LRRC4C: variants seen among roughly 807,000 people sequenced by gnomAD.
LRRC4C encodes leucine rich repeat containing 4C.
Under a neutral mutation model 33.6 loss-of-function variants are expected in LRRC4C, and 5 were observed. The observed-to-expected ratio is 0.15, with a 90% CI of 0.08 to 0.31. The LOEUF (loss-of-function observed/expected upper bound fraction) is 0.31, where lower values mean the gene tolerates loss of function less well. Ranked by LOEUF, LRRC4C falls within the 10% of genes least tolerant of loss-of-function variation. The probability of loss-of-function intolerance (pLI) is 1.00; values close to 1 mark genes in which losing one functional copy is unlikely to be tolerated. For missense variants in LRRC4C, 560 were observed against 796.7 expected, an observed-to-expected ratio of 0.70 and a Z score of 3.58; for synonymous variants, 329 against 302.0, an observed-to-expected ratio of 1.09 and a Z score of -0.93.
At chr11:40,335,866 C>G (rs1191750931) in intron 3 of LRRC4C, among the ~76,000 whole-genome samples, 1 of 152,166 alleles carries the variant, frequency 6.6e-6, no homozygotes, top group African/African-American at 2.4e-5. Flanking sequence ...ATTCGAGTCT[C>G]TACTCCAACT....
intron 3 of LRRC4C, among the ~76,000 whole-genome samples, chr11:40,540,129 TG>T (rs1956643382): frequency 6.6e-6 from 1 of 152,172 alleles, no homozygotes; most frequent in South Asian, 2.1e-4. Context: ...GAATGGAAAA[TG>T]CTTTTCAGCA....
At chr11:41,211,027 T>C (rs949954448) in intron 1 of LRRC4C, among the ~76,000 whole-genome samples, 4 of 152,146 alleles carry the variant, frequency 2.6e-5, no homozygotes, top group African/African-American at 9.7e-5. Flanking sequence ...GAGGCAGAGC[T>C]CTGGCAGCAA....
chr11:40,252,236 CCTAA>C (rs1866841461), intron 4 of LRRC4C, among the ~76,000 whole-genome samples: 1 of 151,842 alleles, frequency 6.6e-6, no homozygotes, highest in African/African-American at 2.4e-5. Context: ...CTCACACTCA[CCTAA>C]CTCACACACA....
In LRRC4C at chr11:41,231,016, C is replaced by T. The variant is rs929205973; in HGVS notation, c.-496+228415G>A. ...CAACCAACTGACACATGAAAAGATGCTCATCATTGCTGGCCATCAGAGAAA... is the reference window on the plus strand; with the variant it reads ...CAACCAACTGACACATGAAAAGATGTTCATCATTGCTGGCCATCAGAGAAA... On this transcript the variant is annotated intron_variant, in intron 1 of 6. Transcript: ENST00000528697. Among the ~76,000 whole-genome samples, 5 of 151,986 alleles carry T rather than the reference C, an allele frequency of 3.3e-5. No homozygotes were observed. In the East Asian group the frequency reaches 7.7e-4, roughly 23 times the overall value.
At chr11:40,964,521 T>TCCCCCC (rs1194031211) in intron 1 of LRRC4C, among the ~76,000 whole-genome samples, 1 of 84,784 alleles carries the variant, frequency 1.2e-5, no homozygotes, top group Non-Finnish European at 2.2e-5. Flanking sequence ...CCCTTCCCCC[T>TCCCCCC]CCCCCCACCC....
At chr11:40,827,438 T>G (rs373972222) in intron 2 of LRRC4C, among the ~76,000 whole-genome samples, 13 of 151,198 alleles carry the variant, frequency 8.6e-5, no homozygotes, top group East Asian at 3.9e-4. Flanking sequence ...AAAGAAAAAA[T>G]AAAAAAAGTT....
chr11:40,889,191 A>G (rs1014117541), intron 2 of LRRC4C, among the ~76,000 whole-genome samples: 8 of 152,088 alleles, frequency 5.3e-5, no homozygotes, highest in African/African-American at 1.9e-4. Context: ...TATGTTCAGG[A>G]ATATCCATAC....
rs1373766348 is a variant in LRRC4C, at chr11:41,305,332, G to A, written c.-496+154099C>T. 7.6e-5 allele frequency among the ~76,000 whole-genome samples: 4 copies of A among 52,386 alleles called. 2 individuals carry two copies. The highest frequency in any genetic ancestry group is 1.7e-4 in the African/African-American group (4 of 23,486). 34.4% of individuals were successfully genotyped at this position (52,386 alleles called of 152,430 possible). On this transcript the variant is annotated intron_variant, in intron 1 of 6. Coordinates refer to ENST00000528697, the MANE Select transcript of LRRC4C (RefSeq NM_001258419.2). ...CCGCCCCATCCGGGAGGTGAGGGGC[G>A]CCTCTGCCCGGCCGTCCCTACTGGG...
At chr11:40,148,986 G>A (rs1469619802) in intron 5 of LRRC4C, among the ~76,000 whole-genome samples, 1 of 152,136 alleles carries the variant, frequency 6.6e-6, no homozygotes, top group Non-Finnish European at 1.5e-5. Flanking sequence ...AGATCAGATA[G>A]TTGTAGGAGT....
intron 1 of LRRC4C, among the ~76,000 whole-genome samples, chr11:41,282,380 G>A (rs1266123568): frequency 6.6e-6 from 1 of 152,180 alleles, no homozygotes; most frequent in African/African-American, 2.4e-5. Flanking sequence ...AGCAGTAGAA[G>A]TAAACCTCTG....
At chr11:40,479,393 CCTT>C (rs1419246487) in intron 3 of LRRC4C, among the ~76,000 whole-genome samples, 1 of 152,124 alleles carries the variant, frequency 6.6e-6, no homozygotes, top group African/African-American at 2.4e-5. Flanking sequence ...AGGTTCCTGT[CCTT>C]CTGGAGCTTA....
chr11:40,746,729 A>T (rs1948445862), intron 2 of LRRC4C, among the ~76,000 whole-genome samples: 1 of 152,028 alleles, frequency 6.6e-6, no homozygotes, highest in Non-Finnish European at 1.5e-5. Context: ...CCAGTCCATC[A>T]CCATGGTCCC....
At chr11:41,248,141 CTCT>C (rs1948514211) in intron 1 of LRRC4C, among the ~76,000 whole-genome samples, 1 of 152,174 alleles carries the variant, frequency 6.6e-6, no homozygotes, top group Admixed American at 6.5e-5. Flanking sequence ...AACAAATTAT[CTCT>C]TTTTTGATAT....
At chr11:40,796,675 CTTG>C (rs1316645430) in intron 2 of LRRC4C, among the ~76,000 whole-genome samples, 3 of 109,594 alleles carry the variant, frequency 2.7e-5, no homozygotes, top group African/African-American at 1.2e-4. Flanking sequence ...GAGACAGAGT[CTTG>C]TTGTGTCCCA....
At chr11:40,693,857 A>C (rs1222076566) in intron 2 of LRRC4C, among the ~76,000 whole-genome samples, 1 of 152,142 alleles carries the variant, frequency 6.6e-6, no homozygotes, top group Non-Finnish European at 1.5e-5. Context: ...CCAGGGAGTG[A>C]GCAGTTGACA....
intron 2 of LRRC4C, among the ~76,000 whole-genome samples, chr11:40,662,315 A>C (rs1943481326): frequency 6.6e-6 from 1 of 152,116 alleles, no homozygotes; most frequent in South Asian, 2.1e-4. Flanking sequence ...ACCCCACAGG[A>C]ATGCATGTGG....
intron 3 of LRRC4C, among the ~76,000 whole-genome samples, chr11:40,340,956 C>T (rs1946838805): frequency 6.6e-6 from 1 of 152,070 alleles, no homozygotes; most frequent in South Asian, 2.1e-4. Flanking sequence ...CCTCACAATC[C>T]ATATATTTCT....
chr11:40,920,260 T>C (rs1298097355), intron 2 of LRRC4C, among the ~76,000 whole-genome samples: 1 of 152,186 alleles, frequency 6.6e-6, no homozygotes, highest in Non-Finnish European at 1.5e-5. Context: ...ATTTTTCTCT[T>C]ATCCAGGTTA....
chr11:40,518,133 G>T (rs1420543098), intron 3 of LRRC4C, among the ~76,000 whole-genome samples: 1 of 152,136 alleles, frequency 6.6e-6, no homozygotes, highest in East Asian at 1.9e-4. Context: ...AGACTTAAAT[G>T]TAAGACCTTA....
Sources: allele counts gnomAD v4.1 joint callset (sites outside exome capture counted in the v4.1 genomes callset), GRCh38; gene constraint gnomAD v4.1.1; transcripts MANE v1.5; gene names NCBI Gene and HGNC (gene_info 2026-07-23, HGNC 2026-07-21).